Variants in THOC5 observed in about 807,000 individuals in gnomAD.
The protein encoded by THOC5 is Fms-interacting protein.
Under a neutral mutation model 92.9 loss-of-function variants are expected in THOC5, and 43 were observed. The observed-to-expected ratio is 0.46, with a 90% confidence interval of 0.36 to 0.60. THOC5 has a LOEUF of 0.60. THOC5 is among the 20% of genes least tolerant of loss of function. THOC5 has a pLI of 0.00. For synonymous variants in THOC5, 296 were observed against 320.1 expected, an observed-to-expected ratio of 0.92 and a Z score of 0.80; for missense variants, 659 against 849.4, an observed-to-expected ratio of 0.78 and a Z score of 2.79.
At chr22:29,553,023 A>C (rs1202678417) in intron 1 of THOC5, among the ~76,000 whole-genome samples, 1 of 152,122 alleles carries the variant, frequency 6.6e-6, no homozygotes, top group East Asian at 1.9e-4. Context: ...GCTTTGTTAA[A>C]CAGAAGCTTG....
chr22:29,543,362 A>AAG, intron 4 of THOC5, 67 bp downstream of exon 4: 1 of 1,082,686 alleles, frequency 9.2e-7, no homozygotes, highest in Non-Finnish European at 1.3e-6. Flanking sequence ...AAAAAAAAAA[A>AAG]AAAAAAAAAA....
Position 29,521,982 on chromosome 22 carries a change from C to T in THOC5, c.1176-883G>A, listed in dbSNP as rs151261484. Among the ~76,000 whole-genome samples, 654 of 152,204 alleles carry T rather than the reference C, an allele frequency of 4.3e-3. 4 individuals carry two copies. Among genetic ancestry groups the T allele is most frequent in the Non-Finnish European group, 6.6e-3 (452 of 68,018 alleles). ...GGCTTCCAGCTCTTCCCTACTGTGTCTCACTGAGTATCCCTGTTCCCCAAG... is the reference window on the plus strand; with the variant it reads ...GGCTTCCAGCTCTTCCCTACTGTGTTTCACTGAGTATCCCTGTTCCCCAAG... On this transcript the variant is annotated intron_variant, in intron 12 of 19. Coordinates refer to ENST00000490103, the MANE Select transcript of THOC5 (RefSeq NM_003678.5).
At chr22:29,539,292 A>T (rs1263327538) in intron 6 of THOC5, 38 bp downstream of exon 6, 1 of 1,603,454 alleles carries the variant, frequency 6.2e-7, no homozygotes, top group East Asian at 2.2e-5. Context: ...AAGCACTGAC[A>T]CTTTGTGGTT....
rs2063767484 is a variant in THOC5, at chr22:29,536,724, T to G, written c.614A>C (p.Tyr205Ser). Reference protein sequence around the residue: ...LEQRKRLAEKYRECLSNKEKI... With the variant: ...LEQRKRLAEKSRECLSNKEKI... The stretch of plus-strand genomic sequence containing the variant: ...CTCCTTGTTAGATAGGCACTCTCGG[T>G]ACTTCTCTGCCAGCCTGTTGGGGGA... Residue 205 changes from tyrosine to serine, a missense_variant, in exon 7 of 20, where the codon TAC becomes TCC. Physicochemically the swap from Tyr to Ser is moderately radical, Grantham distance 144. Coordinates refer to ENST00000490103, the MANE Select transcript of THOC5 (RefSeq NM_003678.5). 6.2e-7 allele frequency: 1 copy of G among 1,607,210 alleles called. No homozygotes were observed. The highest frequency in any genetic ancestry group is 8.5e-7 in the Non-Finnish European group (1 of 1,173,738).
At chr22:29,543,641 G>A (rs775641374) in intron 3 of THOC5, 99 bp from the exon 4 acceptor site, 60 of 707,170 alleles carry the variant, frequency 8.5e-5, no homozygotes, top group Non-Finnish European at 1.4e-4. Context: ...GGCCAAAAAC[G>A]GCACCGGAGG....
chr22:29,522,833 T>A (rs2063471093), intron 12 of THOC5, among the ~76,000 whole-genome samples: 1 of 151,782 alleles, frequency 6.6e-6, no homozygotes, highest in African/African-American at 2.4e-5. Context: ...AAACCCCGTC[T>A]CTACTGAAAA....
At chr22:29,529,711 G>A (rs2063615546) in intron 8 of THOC5, among the ~76,000 whole-genome samples, 1 of 152,248 alleles carries the variant, frequency 6.6e-6, no homozygotes, top group Admixed American at 6.5e-5. Context: ...GGAGGCAGTA[G>A]GACAGTGAAT....
At chr22:29,553,181 T>A (rs1233514436) in intron 1 of THOC5, among the ~76,000 whole-genome samples, 2 of 152,172 alleles carry the variant, frequency 1.3e-5, no homozygotes, top group Non-Finnish European at 2.9e-5. Context: ...CCTCCACTAT[T>A]GTCCTATGAC....
intron 1 of THOC5, among the ~76,000 whole-genome samples, chr22:29,552,970 G>A (rs1056230540): frequency 6.6e-6 from 1 of 152,126 alleles, no homozygotes; most frequent in African/African-American, 2.4e-5. Flanking sequence ...AACATGTGCT[G>A]TGTCCACTCA....
chr22:29,549,493 T>C (rs950565964), intron 1 of THOC5, among the ~76,000 whole-genome samples: 1 of 152,200 alleles, frequency 6.6e-6, no homozygotes, highest in African/African-American at 2.4e-5. Flanking sequence ...CCAGGCACCA[T>C]GTGTGTCTCC....
intron 11 of THOC5, among the ~76,000 whole-genome samples, chr22:29,527,518 T>C (rs1431595649): frequency 2.0e-5 from 3 of 152,192 alleles, no homozygotes; most frequent in Non-Finnish European, 4.4e-5. Flanking sequence ...CAGATAAATA[T>C]ACATTTGTAT....
chr22:29,515,205 C>A (rs1171077178), intron 17 of THOC5, among the ~76,000 whole-genome samples: 1 of 151,002 alleles, frequency 6.6e-6, no homozygotes, highest in Non-Finnish European at 1.5e-5. Flanking sequence ...CCATGCCCAG[C>A]CAATTTTTGT....
At chr22:29,538,076 G>A (rs1244354879) in intron 6 of THOC5, among the ~76,000 whole-genome samples, 2 of 151,846 alleles carry the variant, frequency 1.3e-5, no homozygotes, top group African/African-American at 4.8e-5. Context: ...TCTGCCTCCC[G>A]GCTTCACGCC....
rs369586767 is a variant in THOC5, at chr22:29,518,958, G to A, written c.1489+48C>T. 174 of 1,161,538 alleles carry A rather than the reference G, an allele frequency of 1.5e-4. 2 individuals carry two copies. The highest frequency in any genetic ancestry group is 1.9e-4 in the Non-Finnish European group (156 of 802,874). 72.0% of individuals were successfully genotyped at this position (1,161,538 alleles called of 1,614,324 possible). On this transcript the variant is annotated intron_variant, in intron 15 of 19. Coordinates refer to ENST00000490103, the MANE Select transcript of THOC5 (RefSeq NM_003678.5). ...GTGAAAGGCTAAGTTGTTGTTGTCCGTGTGTTGTCTGAGTGACTCTTAAAC... is the reference window on the plus strand; with the variant it reads ...GTGAAAGGCTAAGTTGTTGTTGTCCATGTGTTGTCTGAGTGACTCTTAAAC...
chr22:29,516,881 A>C lies in THOC5; in HGVS notation c.1681+148T>G, dbSNP rs574315881. On this transcript the variant is annotated intron_variant, in intron 17 of 19. Coordinates refer to ENST00000490103, the MANE Select transcript of THOC5 (RefSeq NM_003678.5). ...GTGTGTGTGACTGTGTTGCAGAATG[A>C]GTCCTTGCTGAACAGGCTCTCACGA... 2.6e-4 allele frequency: 180 copies of C among 692,890 alleles called. 4 individuals are homozygous for C. The South Asian group carries it at 3.1e-3, about 12-fold the overall frequency. 42.9% of individuals were successfully genotyped at this position (692,890 alleles called of 1,614,324 possible).
intron 17 of THOC5, among the ~76,000 whole-genome samples, chr22:29,513,445 C>T (rs2063267544): frequency 2.0e-5 from 3 of 151,956 alleles, no homozygotes; most frequent in Non-Finnish European, 4.4e-5. Context: ...CCTATAATCC[C>T]AGCACTTTGG....
chr22:29,543,847 T>G (rs1176703034), intron 3 of THOC5, among the ~76,000 whole-genome samples: 1 of 152,174 alleles, frequency 6.6e-6, no homozygotes, highest in African/African-American at 2.4e-5. Flanking sequence ...AGTAACATCT[T>G]GTCATAAAAT....
intron 8 of THOC5, 160 bp downstream of exon 8, chr22:29,531,671 G>A (rs1228306555): frequency 7.0e-7 from 1 of 1,430,210 alleles, no homozygotes; most frequent in Non-Finnish European, 9.1e-7. Flanking sequence ...GCTGGTCAGA[G>A]CAGCCATGCT....
chr22:29,539,189 A>G (rs1394639604), intron 6 of THOC5, 141 bp downstream of exon 6: 1 of 827,956 alleles, frequency 1.2e-6, no homozygotes. Flanking sequence ...AGTTTAAACT[A>G]TCCAGTGTGA....
Sources: gnomAD v4.1 joint callset for allele counts (sites outside exome capture counted in the v4.1 genomes callset) on GRCh38, gnomAD v4.1.1 for gene constraint, MANE v1.5 for transcripts, NCBI Gene and HGNC (gene_info 2026-07-23, HGNC 2026-07-21) for gene names.